Variants in BEND7 observed in about 807,000 individuals in gnomAD.
BEND7 encodes BEN domain-containing protein 7.
In BEND7, 28 loss-of-function variants were observed where a neutral mutation model predicts 50.9. The ratio of observed to expected loss-of-function variants is 0.55; its 90% CI spans 0.41 to 0.75. BEND7 has a LOEUF of 0.75. BEND7 is among the 30% of genes least tolerant of loss of function. BEND7 has a pLI of 0.00. For missense variants in BEND7, 477 were observed against 491.3 expected (o/e 0.97, Z 0.28); for synonymous variants, 170 against 183.9 (o/e 0.92, Z 0.61).
chr10:13,499,296 A>C (rs2077265311), intron 3 of BEND7, among the ~76,000 whole-genome samples: 1 of 152,192 alleles, frequency 6.6e-6, no homozygotes, highest in Admixed American at 6.5e-5. Flanking sequence ...TTCAGTACTG[A>C]CGTGGGATGC....
At chr10:13,464,871 GCTAT>G (rs1564276254) in intron 6 of BEND7, among the ~76,000 whole-genome samples, 2 of 152,204 alleles carry the variant, frequency 1.3e-5, no homozygotes, top group Admixed American at 6.5e-5. Context: ...AGCACCAAAA[GCTAT>G]CTTTAAAAGG....
rs940365827 is a variant in BEND7, at chr10:13,441,226, T to A, written c.*517A>T. 4.8e-5 allele frequency: 44 copies of A among 910,918 alleles called. No individual in the cohort carries two copies. Among genetic ancestry groups the A allele is most frequent in the African/African-American group, 5.4e-5 (3 of 55,622 alleles). 56.4% of individuals were successfully genotyped at this position (910,918 alleles called of 1,614,324 possible). A position where few individuals can be genotyped will look rare whatever the true frequency, so the allele number is the denominator to read the frequency against. ...TCTTTTTTAAAGAACATAGTAATTT[T>A]AAAAAATCTAAATATTTACATATTA... is the stretch of plus-strand genomic sequence containing the variant. On this transcript the variant is annotated 3_prime_UTR_variant, in exon 9 of 9. Coordinates refer to ENST00000466271, the MANE Select transcript of BEND7 (RefSeq NM_001369863.1).
intron 2 of BEND7, chr10:13,502,961 GATATAATGCTAGGATAGAT>G: frequency 1.0e-6 from 1 of 982,018 alleles, no homozygotes. Context: ...CTGCTCTGTA[GATATAATGCTAGGATAGAT>G]ACAGTGCTAC....
At chr10:13,523,260 G>A (rs2079200284) in intron 2 of BEND7, among the ~76,000 whole-genome samples, 1 of 152,224 alleles carries the variant, frequency 6.6e-6, no homozygotes, top group Admixed American at 6.5e-5. Context: ...TGTCCACAGG[G>A]TAAAGTAACG....
intron 7 of BEND7, among the ~76,000 whole-genome samples, chr10:13,451,322 G>A (rs1837640244): frequency 6.6e-6 from 1 of 151,134 alleles, no homozygotes; most frequent in Non-Finnish European, 1.5e-5. Context: ...CCAAGTAGGT[G>A]GGACAACAGG....
chr10:13,515,524 TACTG>T (rs2078603152), intron 2 of BEND7, among the ~76,000 whole-genome samples: 1 of 152,350 alleles, frequency 6.6e-6, no homozygotes, highest in Middle Eastern at 3.4e-3. Flanking sequence ...TTGTATGGAA[TACTG>T]AAAGAAAATG....
chr10:13,441,095 A>T lies in BEND7; in HGVS notation c.*648T>A. ...GCAAGATCCGCACGCACGTTCAATT[A>T]AAGTAATTTATTGTATTCTTCCAGA... On this transcript the variant is annotated 3_prime_UTR_variant, in exon 9 of 9. Transcript: ENST00000466271. 1.0e-6 allele frequency: 1 copy of T among 985,338 alleles called. No individual in the cohort carries two copies. The allele number at this position is 985,338 out of a possible 1,614,324, so 61.0% of individuals were successfully genotyped here. A position where few individuals can be genotyped will look rare whatever the true frequency, so the allele number is the denominator to read the frequency against.
At chr10:13,523,559 T>C (rs2079224029) in intron 2 of BEND7, among the ~76,000 whole-genome samples, 1 of 152,240 alleles carries the variant, frequency 6.6e-6, no homozygotes, top group African/African-American at 2.4e-5. Flanking sequence ...AGTGTGTCAG[T>C]ACTTTGTTAT....
intron 8 of BEND7, chr10:13,443,390 G>A (rs1835633824): frequency 6.5e-6 from 1 of 152,708 alleles, no homozygotes; most frequent in African/African-American, 2.4e-5. Context: ...CTCTCCTGGT[G>A]TCAAATATAT....
At chr10:13,485,652 A>G (rs917200583) in intron 5 of BEND7, among the ~76,000 whole-genome samples, 1 of 152,202 alleles carries the variant, frequency 6.6e-6, no homozygotes, top group Non-Finnish European at 1.5e-5. Flanking sequence ...ATATACAATG[A>G]TCTTTTGTTC....
chr10:13,477,269 A>C (rs1564314797), intron 6 of BEND7, among the ~76,000 whole-genome samples: 3 of 152,218 alleles, frequency 2.0e-5, no homozygotes, highest in Admixed American at 6.5e-5. Context: ...CCTAGATAAT[A>C]GGACTTTTCA....
intron 5 of BEND7, among the ~76,000 whole-genome samples, chr10:13,488,700 G>A (rs1564345386): frequency 6.6e-6 from 1 of 152,090 alleles, no homozygotes; most frequent in Non-Finnish European, 1.5e-5. Flanking sequence ...TGTTGGCCAG[G>A]ACTGTCTCAA....
chr10:13,513,449 A>C (rs1327287827), intron 2 of BEND7, among the ~76,000 whole-genome samples: 2 of 152,170 alleles, frequency 1.3e-5, no homozygotes, highest in African/African-American at 4.8e-5. Context: ...CATGTCTAAA[A>C]ATGTTATTTT....
chr10:13,507,808 T>C (rs1418095038), intron 2 of BEND7, among the ~76,000 whole-genome samples: 1 of 152,302 alleles, frequency 6.6e-6, no homozygotes, highest in East Asian at 1.9e-4. Context: ...CTGGAGGTGG[T>C]TGCACAACAC....
intron 3 of BEND7, among the ~76,000 whole-genome samples, chr10:13,498,178 C>T (rs1251906191): frequency 6.7e-6 from 1 of 150,054 alleles, no homozygotes; most frequent in Non-Finnish European, 1.5e-5. Context: ...CAGGCTCAAG[C>T]GCTTCTCATG....
Position 13,499,800 on chromosome 10 carries a change from G to C in BEND7, c.426C>G (p.Pro142=), listed in dbSNP as rs765072718. ...TACCATTGGAGCTCGTGGTAGGGTG[G>C]GGCTGGCTTTGGAAGGTTCTAGAAC... ...GTRSRTFQSQ[P]HPTTSSNGEL... The change falls in exon 3 of 9, where the codon CCC becomes CCG. Residue 142 remains proline, a synonymous_variant. Coordinates refer to ENST00000466271, the MANE Select transcript of BEND7 (RefSeq NM_001369863.1). 5.0e-6 allele frequency: 8 copies of C among 1,607,934 alleles called. No homozygotes were observed. The Admixed American group carries it at 6.7e-5, about 13-fold the overall frequency.
At chr10:13,452,924 C>A (rs780791716) in intron 6 of BEND7, among the ~76,000 whole-genome samples, 1 of 152,212 alleles carries the variant, frequency 6.6e-6, no homozygotes, top group Non-Finnish European at 1.5e-5. Context: ...ACTGGCTCCA[C>A]ATCCATGTGT....
chr10:13,504,786 C>A (rs1588995372), intron 2 of BEND7, among the ~76,000 whole-genome samples: 1 of 152,198 alleles, frequency 6.6e-6, no homozygotes, highest in South Asian at 2.1e-4. Context: ...TTATTGGCAG[C>A]CTGAAATCCT....
downstream of BEND7, among the ~76,000 whole-genome samples, chr10:13,440,826 T>A (rs543060749): frequency 9.2e-5 from 14 of 152,386 alleles, no homozygotes; most frequent in African/African-American, 3.1e-4. Context: ...CAAGCATCTC[T>A]GTACTTAACG....
Sources: allele counts gnomAD v4.1 joint callset (sites outside exome capture counted in the v4.1 genomes callset), GRCh38; gene constraint gnomAD v4.1.1; transcripts MANE v1.5; gene names NCBI Gene and HGNC (gene_info 2026-07-23, HGNC 2026-07-21).